GEMIN5: variants seen among roughly 807,000 people sequenced by gnomAD.
The protein encoded by GEMIN5 is gem-associated protein 5.
GEMIN5 carries 124 observed loss-of-function variants against 176.9 expected under a neutral mutation model. The observed-to-expected ratio is 0.70, with a 90% confidence interval of 0.61 to 0.81. The LOEUF is 0.81. GEMIN5 is among the 40% of genes least tolerant of loss of function. GEMIN5 has a pLI of 0.00. For missense variants in GEMIN5, 1,843 were observed against 1,814.6 expected (o/e 1.02, Z -0.28); for synonymous variants, 673 against 665.2 (o/e 1.01, Z -0.18).
Position 154,888,144 on chromosome 5 carries a change from A to G in GEMIN5, c.*66T>C, listed in dbSNP as rs1229897109. The G allele has an allele frequency of 3.5e-6, 5 of 1,437,144 alleles. No individual in the cohort carries two copies. Among genetic ancestry groups the G allele is most frequent in the Non-Finnish European group, 4.9e-6 (5 of 1,021,036 alleles). 89.0% of individuals were successfully genotyped at this position (1,437,144 alleles called of 1,614,324 possible). A position where few individuals can be genotyped will look rare whatever the true frequency, so the allele number is the denominator to read the frequency against. Reference sequence around the variant, plus strand: ...GACCAGAGTGAATGTCTGGTGAGGCATAACTGCAGAGGTGAAAGATGTCAA... The same window carrying G: ...GACCAGAGTGAATGTCTGGTGAGGCGTAACTGCAGAGGTGAAAGATGTCAA... On this transcript the variant is annotated 3_prime_UTR_variant, in exon 28 of 28. Coordinates refer to ENST00000285873, the MANE Select transcript of GEMIN5 (RefSeq NM_015465.5).
At chr5:154,904,436 A>G (rs1763528320) in intron 18 of GEMIN5, 71 bp downstream of exon 18, 2 of 1,298,524 alleles carry the variant, frequency 1.5e-6, no homozygotes, top group Admixed American at 2.1e-5. Flanking sequence ...TTCATTTAAT[A>G]AATAAGTAAA....
chr5:154,918,214 A>C (rs1763852079), intron 11 of GEMIN5, among the ~76,000 whole-genome samples: 1 of 152,220 alleles, frequency 6.6e-6, no homozygotes, highest in Admixed American at 6.5e-5. Context: ...AAAACAAAAA[A>C]ACCCCCAAGG....
chr5:154,911,774 A>G lies in GEMIN5; in HGVS notation c.2120T>C (p.Val707Ala), dbSNP rs1445433881. The change falls in exon 15 of 28, where the codon GTG becomes GCG. Residue 707 changes from valine to alanine, a missense_variant. Coordinates refer to ENST00000285873, the MANE Select transcript of GEMIN5 (RefSeq NM_015465.5). The part of the protein sequence containing the change: ...CIYSGADDFC[V>A]HKWLTSMQDH... ...TTGCATGGAAGTGAGCCACTTGTGC[A>G]CACAAAAGTCATCTGCCCCTGAATA... is the stretch of plus-strand genomic sequence containing the variant. 1 of 1,613,870 alleles carries G rather than the reference A, an allele frequency of 6.2e-7. No homozygotes were observed. Among genetic ancestry groups the G allele is most frequent in the Non-Finnish European group, 8.5e-7 (1 of 1,179,818 alleles).
At chr5:154,925,802 T>G (rs1425181234) in intron 8 of GEMIN5, 60 bp downstream of exon 8, 1 of 941,618 alleles carries the variant, frequency 1.1e-6, no homozygotes, top group Non-Finnish European at 1.7e-6. Context: ...TGAACAGGCA[T>G]AAAAGAGAAT....
intron 5 of GEMIN5, among the ~76,000 whole-genome samples, chr5:154,929,514 A>G (rs1395346669): frequency 6.6e-6 from 1 of 152,226 alleles, no homozygotes; most frequent in African/African-American, 2.4e-5. Context: ...TAAAAAATAC[A>G]TACGCCAGGG....
intron 18 of GEMIN5, among the ~76,000 whole-genome samples, chr5:154,903,409 A>G (rs974359412): frequency 2.6e-5 from 4 of 152,178 alleles, no homozygotes; most frequent in Admixed American, 6.5e-5. Flanking sequence ...AAGCAAAACA[A>G]TATTAATAAG....
intron 10 of GEMIN5, among the ~76,000 whole-genome samples, chr5:154,920,924 T>A (rs1051001537): frequency 6.6e-6 from 1 of 152,168 alleles, no homozygotes; most frequent in East Asian, 1.9e-4. Flanking sequence ...AAGAGATCAT[T>A]TCAGAAACTC....
intron 16 of GEMIN5, among the ~76,000 whole-genome samples, chr5:154,906,258 A>C (rs1207846341): frequency 6.6e-6 from 1 of 152,086 alleles, no homozygotes; most frequent in Admixed American, 6.5e-5. Context: ...GGCCTCCCAT[A>C]GTGCTGGGAT....
intron 23 of GEMIN5, 140 bp from the exon 24 acceptor site, chr5:154,896,483 T>A (rs1297517791): frequency 1.3e-6 from 1 of 762,600 alleles, no homozygotes; most frequent in African/African-American, 1.8e-5. Context: ...CTGCCCCATA[T>A]GAGTCATGCA....
In GEMIN5 at chr5:154,932,227, A is replaced by G; in HGVS notation, c.533T>C (p.Ile178Thr). 6.2e-7 allele frequency: 1 copy of G among 1,610,670 alleles called. No individual in the cohort carries two copies. The highest frequency in any genetic ancestry group is 8.5e-7 in the Non-Finnish European group (1 of 1,176,952). ...AIGYKDGIVV[I>T]IDISKKGEVI... Reference sequence around the variant, plus strand: ...TTCTCCTTTCTTACTGATGTCAATTATCACCACTATGCCATCCTTGTAGCT... The same window carrying G: ...TTCTCCTTTCTTACTGATGTCAATTGTCACCACTATGCCATCCTTGTAGCT... Residue 178 changes from isoleucine (I) to threonine (T), a missense_variant, in exon 4 of 28, where the codon ATA becomes ACA. Coordinates refer to ENST00000285873, the MANE Select transcript of GEMIN5 (RefSeq NM_015465.5).
At chr5:154,919,051 TAAGTA>T (rs1289041742) in intron 11 of GEMIN5, among the ~76,000 whole-genome samples, 2 of 150,460 alleles carry the variant, frequency 1.3e-5, no homozygotes, top group East Asian at 2.0e-4. Flanking sequence ...AAAAAATAAA[TAAGTA>T]AATAAATAAA....
In GEMIN5 at chr5:154,900,533, C is replaced by A. The variant is rs371271483; in HGVS notation, c.3014+806G>T. Among the ~76,000 whole-genome samples, 26 of 152,246 alleles carry A rather than the reference C, an allele frequency of 1.7e-4. 1 individual carries two copies. The highest frequency in any genetic ancestry group is 6.0e-4 in the African/African-American group (25 of 41,526). On this transcript the variant is annotated intron_variant, in intron 21 of 27. Coordinates refer to ENST00000285873, the MANE Select transcript of GEMIN5 (RefSeq NM_015465.5). ...AGAGAACAGAAACAAATGATGGGAG[C>A]CCTATCTTGGCACTGGCTTTCTGCC...
chr5:154,926,537 A>C (rs1214344035), intron 7 of GEMIN5, among the ~76,000 whole-genome samples: 1 of 152,212 alleles, frequency 6.6e-6, no homozygotes, highest in African/African-American at 2.4e-5. Context: ...GGCTTGGGAG[A>C]AAATGAAGTC....
chr5:154,899,231 C>A lies in GEMIN5; in HGVS notation c.3094G>T (p.Val1032Phe). Residue 1032 changes from valine to phenylalanine, a missense_variant, in exon 22 of 28, where the codon GTC becomes TTC. Val to Phe is a conservative substitution (Grantham distance 50). Coordinates refer to ENST00000285873, the MANE Select transcript of GEMIN5 (RefSeq NM_015465.5). ...GCATAGTGGCCATCTCTTTCTAGGA[C>A]GGTTCCCCAGCTGAGGTACAAGTCC... ...LKDLYLSWGT[V>F]LERDGHYAVA... is the part of the protein sequence containing the mutation. 6.2e-7 allele frequency: 1 copy of A among 1,613,414 alleles called. No homozygotes were observed. Among genetic ancestry groups the A allele is most frequent in the Non-Finnish European group, 8.5e-7 (1 of 1,179,656 alleles).
chr5:154,911,977 C>A, intron 14 of GEMIN5, 79 bp from the exon 15 acceptor site: 3 of 1,211,046 alleles, frequency 2.5e-6, no homozygotes, highest in Admixed American at 5.5e-5. Context: ...TAATTAAAAA[C>A]AAAAAACAAA....
chr5:154,896,064 A>C, intron 24 of GEMIN5, 28 bp downstream of exon 24: 2 of 1,608,210 alleles, frequency 1.2e-6, no homozygotes, highest in Non-Finnish European at 1.7e-6. Context: ...TGAGTGATTA[A>C]TGTCAAATGC....
chr5:154,933,742 A>C (rs1455725374), intron 3 of GEMIN5, among the ~76,000 whole-genome samples: 1 of 152,142 alleles, frequency 6.6e-6, no homozygotes, highest in Non-Finnish European at 1.5e-5. Context: ...CCGGACTTTG[A>C]AAACTGCCAA....
intron 2 of GEMIN5, 93 bp from the exon 3 acceptor site, chr5:154,936,115 A>C: frequency 1.3e-6 from 1 of 785,432 alleles, no homozygotes; most frequent in South Asian, 1.8e-5. Context: ...CTACATATAC[A>C]CATTAAAAGT....
intron 5 of GEMIN5, among the ~76,000 whole-genome samples, chr5:154,929,976 A>G (rs559514398): frequency 1.3e-5 from 2 of 152,302 alleles, no homozygotes; most frequent in African/African-American, 4.8e-5. Context: ...TGAGTTCTAA[A>G]TTTCTCTTCA....
Sources: gnomAD v4.1 joint callset for allele counts (sites outside exome capture counted in the v4.1 genomes callset) on GRCh38, gnomAD v4.1.1 for gene constraint, MANE v1.5 for transcripts, NCBI Gene and HGNC (gene_info 2026-07-23, HGNC 2026-07-21) for gene names.